Variants in SETD3 observed in about 807,000 individuals in gnomAD.
SETD3 encodes actin-histidine N-methyltransferase.
A neutral mutation model predicts 63.0 loss-of-function variants in SETD3; 19 were observed. The observed-to-expected ratio is 0.30, with a 90% CI of 0.21 to 0.44. The LOEUF is 0.44. Ranked by LOEUF, SETD3 falls within the 20% of genes least tolerant of loss-of-function variation. SETD3 has a pLI of 1.00. For missense variants in SETD3, 587 were observed against 728.5 expected (o/e 0.81, Z 2.24); for synonymous variants, 286 against 264.1 (o/e 1.08, Z -0.80).
At position 99,458,417 on chromosome 14, in the gene SETD3, G is replaced by A. The variant is rs753931938; in HGVS notation, c.537C>T (p.Leu179=). 6.2e-7 allele frequency: 1 copy of A among 1,614,000 alleles called. No homozygotes were observed. The highest frequency in any genetic ancestry group is 8.5e-7 in the Non-Finnish European group (1 of 1,180,040). Residue 179 remains leucine (L), a synonymous_variant, in exon 6 of 13, where the codon CTC becomes CTT. Coordinates refer to ENST00000331768, the MANE Select transcript of SETD3 (RefSeq NM_032233.3). Reference sequence around the variant, plus strand: ...AGAGAGGAGTGTCATATTCACTGGGGAGGGTTTGAATATAGGGCTGCCAGA... The same window carrying A: ...AGAGAGGAGTGTCATATTCACTGGGAAGGGTTTGAATATAGGGCTGCCAGA... ...NSFWQPYIQT[L]PSEYDTPLYF...
intron 6 of SETD3, among the ~76,000 whole-genome samples, chr14:99,452,539 T>C (rs1463523583): frequency 1.3e-5 from 2 of 152,178 alleles, no homozygotes; most frequent in African/African-American, 4.8e-5. Flanking sequence ...ATTTTTCTAG[T>C]TTTTAGGCAA....
intron 1 of SETD3, among the ~76,000 whole-genome samples, chr14:99,478,323 A>T (rs980164785): frequency 6.6e-6 from 1 of 152,218 alleles, no homozygotes; most frequent in Non-Finnish European, 1.5e-5. Flanking sequence ...GGTCCAAGGG[A>T]AAGAAACACA....
intron 11 of SETD3, among the ~76,000 whole-genome samples, chr14:99,402,357 C>T (rs1394611943): frequency 2.6e-5 from 4 of 152,204 alleles, no homozygotes; most frequent in Admixed American, 6.5e-5. Context: ...AAGTCAGGGT[C>T]ATCACTTGCT....
intron 8 of SETD3, chr14:99,411,367 G>A (rs1891979584): frequency 6.6e-6 from 1 of 151,990 alleles, no homozygotes; most frequent in Non-Finnish European, 1.5e-5. Context: ...CATTTACATG[G>A]AAGCTAAACA....
chr14:99,455,489 T>C (rs1430024584), intron 6 of SETD3, among the ~76,000 whole-genome samples: 1 of 152,190 alleles, frequency 6.6e-6, no homozygotes, highest in Non-Finnish European at 1.5e-5. Context: ...AGAAGGGGTA[T>C]GTGTTAAATG....
intron 6 of SETD3, among the ~76,000 whole-genome samples, chr14:99,456,764 A>G (rs1387673099): frequency 6.6e-6 from 1 of 152,252 alleles, no homozygotes; most frequent in Non-Finnish European, 1.5e-5. Context: ...TGAAAAACTC[A>G]TCAAATTTTG....
At chr14:99,469,302 G>C (rs1895567599) in intron 1 of SETD3, among the ~76,000 whole-genome samples, 1 of 152,270 alleles carries the variant, frequency 6.6e-6, no homozygotes, top group East Asian at 1.9e-4. Flanking sequence ...AAGTCCTGTT[G>C]GGTGATGTTT....
At chr14:99,400,933 C>G (rs1227985366) in intron 11 of SETD3, among the ~76,000 whole-genome samples, 1 of 152,072 alleles carries the variant, frequency 6.6e-6, no homozygotes, top group African/African-American at 2.4e-5. Context: ...TGAGCCCAGG[C>G]GTTTGAGACC....
rs541886693 is a variant in SETD3 at position 99,398,807 on chromosome 14, C to A, written c.1657G>T (p.Val553Leu). 6 of 1,614,240 alleles carry A rather than the reference C, an allele frequency of 3.7e-6. No individual in the cohort carries two copies. In the African/African-American group the frequency reaches 6.7e-5, roughly 18 times the overall value. ...SKAKATENGLVNGENSIPNGT... is the reference protein window; with the variant it reads ...SKAKATENGLLNGENSIPNGT... The stretch of plus-strand genomic sequence containing the variant: ...TTAGGGATAGAGTTTTCACCGTTTA[C>A]AAGCCCGTTTTCTGTGGCCTTTGCT... Residue 553 changes from valine to leucine, a missense_variant, in exon 13 of 13, where the codon GTA becomes TTA. Transcript: ENST00000331768.
intron 6 of SETD3, among the ~76,000 whole-genome samples, chr14:99,414,383 A>T (rs1266381768): frequency 6.6e-6 from 1 of 152,258 alleles, no homozygotes; most frequent in African/African-American, 2.4e-5. Context: ...AGGAAAAATT[A>T]AAGGCACTCT....
At chr14:99,422,510 G>A (rs1892644364) in intron 6 of SETD3, among the ~76,000 whole-genome samples, 2 of 152,184 alleles carry the variant, frequency 1.3e-5, no homozygotes, top group Admixed American at 6.5e-5. Flanking sequence ...AGGAGCTCAT[G>A]AGGAATGAGC....
chr14:99,436,856 T>C (rs536219976), intron 6 of SETD3, among the ~76,000 whole-genome samples: 6 of 152,318 alleles, frequency 3.9e-5, no homozygotes, highest in South Asian at 2.1e-4. Flanking sequence ...CCTTCCATTT[T>C]AGCAAGATTC....
At chr14:99,416,282 C>A (rs1170712833) in intron 6 of SETD3, among the ~76,000 whole-genome samples, 1 of 152,024 alleles carries the variant, frequency 6.6e-6, no homozygotes, top group Non-Finnish European at 1.5e-5. Flanking sequence ...TAAAACACAT[C>A]TTCCAAAAAT....
intron 3 of SETD3, among the ~76,000 whole-genome samples, chr14:99,461,805 C>T (rs952401453): frequency 6.6e-6 from 1 of 152,166 alleles, no homozygotes; most frequent in African/African-American, 2.4e-5. Flanking sequence ...AGCCCTGATT[C>T]TAAGAACACA....
Position 99,404,317 on chromosome 14 carries a change from A to G in SETD3, c.1092-7T>C, listed in dbSNP as rs368051724. 28 of 1,613,512 alleles carry G rather than the reference A, an allele frequency of 1.7e-5. No homozygotes were observed. The African/African-American group carries it at 3.3e-4, about 19-fold the overall frequency. Reference sequence around the variant, plus strand: ...CAATGCAAAAACACTGGAACTGATAAAAGCAGAAAGCAAGATCAGTCACCC... The same window carrying G: ...CAATGCAAAAACACTGGAACTGATAGAAGCAGAAAGCAAGATCAGTCACCC... On this transcript the variant is annotated splice_region_variant and splice_polypyrimidine_tract_variant and intron_variant, in intron 10 of 12. Coordinates refer to ENST00000331768, the MANE Select transcript of SETD3 (RefSeq NM_032233.3).
intron 6 of SETD3, among the ~76,000 whole-genome samples, chr14:99,445,140 G>T (rs1390363372): frequency 1.3e-5 from 2 of 152,160 alleles, no homozygotes; most frequent in Non-Finnish European, 2.9e-5. Flanking sequence ...ATGAATACTG[G>T]CAGCCAAGCC....
chr14:99,458,560 C>CGT (rs1380087276), intron 5 of SETD3, 25 bp from the exon 6 acceptor site: 1 of 1,588,272 alleles, frequency 6.3e-7, no homozygotes, highest in African/African-American at 1.4e-5. Context: ...AAGTTAACAG[C>CGT]GTAAGTTCCA....
chr14:99,478,926 A>T (rs1263989643), intron 1 of SETD3, among the ~76,000 whole-genome samples: 1 of 152,230 alleles, frequency 6.6e-6, no homozygotes, highest in East Asian at 1.9e-4. Flanking sequence ...CAAAAGCTTA[A>T]TTATCATTTA....
chr14:99,409,433 G>A (rs1304615014), intron 8 of SETD3, among the ~76,000 whole-genome samples: 2 of 152,200 alleles, frequency 1.3e-5, no homozygotes, highest in Non-Finnish European at 2.9e-5. Flanking sequence ...GAGGAACCCA[G>A]CAGGGAGTGG....
Sources: allele counts gnomAD v4.1 joint callset (sites outside exome capture counted in the v4.1 genomes callset), GRCh38; gene constraint gnomAD v4.1.1; transcripts MANE v1.5; gene names NCBI Gene and HGNC (gene_info 2026-07-23, HGNC 2026-07-21).